Variants in KDM4C observed in about 807,000 individuals in gnomAD.
KDM4C encodes lysine-specific demethylase 4C.
In KDM4C, 81 loss-of-function variants were observed where a neutral mutation model predicts 129.3. That is an observed-to-expected ratio of 0.63 (90% CI 0.52 to 0.75). The LOEUF (loss-of-function observed/expected upper bound fraction) is 0.75. Among genes scored for constraint, KDM4C ranks in the 30% least tolerant of loss-of-function variants. KDM4C has a pLI of 0.00. For missense variants in KDM4C, 1,457 were observed against 1,304.0 expected (o/e 1.12, Z -1.81); for synonymous variants, 573 against 456.1 (o/e 1.26, Z -3.26).
intron 1 of KDM4C, among the ~76,000 whole-genome samples, chr9:6,769,807 ATT>A (rs1821377106): frequency 6.6e-6 from 1 of 152,218 alleles, no homozygotes; most frequent in South Asian, 2.1e-4. Flanking sequence ...ACAAAGAAAA[ATT>A]ATGAATTAGA....
At chr9:7,048,859 G>A (rs999061170) in intron 16 of KDM4C, among the ~76,000 whole-genome samples, 2 of 152,038 alleles carry the variant, frequency 1.3e-5, no homozygotes, top group African/African-American at 4.8e-5. Flanking sequence ...ATAGGATAGA[G>A]TCGTGGGCCT....
At chr9:6,821,640 C>T (rs1047867440) in intron 4 of KDM4C, among the ~76,000 whole-genome samples, 3 of 151,646 alleles carry the variant, frequency 2.0e-5, no homozygotes, top group Admixed American at 6.6e-5. Context: ...CAGGTCTTAG[C>T]CTCTCTTTCA....
At chr9:6,983,261 G>A (rs1817079629) in intron 9 of KDM4C, among the ~76,000 whole-genome samples, 1 of 151,962 alleles carries the variant, frequency 6.6e-6, no homozygotes, top group South Asian at 2.1e-4. Flanking sequence ...AATACATATG[G>A]GTGTGTTTTG....
At chr9:6,988,097 G>A (rs1333489335) in intron 11 of KDM4C, among the ~76,000 whole-genome samples, 5 of 144,212 alleles carry the variant, frequency 3.5e-5, no homozygotes, top group African/African-American at 1.3e-4. Context: ...CAAGGCTGCA[G>A]TGAGCTGTGA....
intron 14 of KDM4C, 86 bp downstream of exon 14, chr9:7,014,087 C>G: frequency 2.9e-6 from 3 of 1,020,342 alleles, no homozygotes; most frequent in Non-Finnish European, 4.4e-6. Flanking sequence ...CCTGTCAGAT[C>G]TGTTGCATGG....
intron 1 of KDM4C, among the ~76,000 whole-genome samples, chr9:6,735,543 T>C (rs1406501377): frequency 2.0e-5 from 3 of 152,118 alleles, no homozygotes; most frequent in Non-Finnish European, 4.4e-5. Context: ...TGAATGAGTC[T>C]CATTAGGTCT....
At chr9:7,077,317 T>A in intron 17 of KDM4C, 4 of 781,270 alleles carry the variant, frequency 5.1e-6, no homozygotes, top group Non-Finnish European at 6.2e-6. Context: ...TTTGGACATA[T>A]AGTTGTCATC....
At chr9:6,987,720 GTTTATC>G (rs1817974887) in intron 11 of KDM4C, among the ~76,000 whole-genome samples, 1 of 152,008 alleles carries the variant, frequency 6.6e-6, no homozygotes. Context: ...ACCCAATAGT[GTTTATC>G]TTTTTATGTA....
At chr9:6,900,947 T>A (rs1246230763) in intron 8 of KDM4C, among the ~76,000 whole-genome samples, 2 of 149,372 alleles carry the variant, frequency 1.3e-5, no homozygotes, top group Admixed American at 1.3e-4. Flanking sequence ...AATTTTAGTG[T>A]AGCACTTTTG....
chr9:7,055,333 G>A (rs981229389), intron 17 of KDM4C, among the ~76,000 whole-genome samples: 5 of 152,220 alleles, frequency 3.3e-5, no homozygotes, highest in African/African-American at 4.8e-5. Context: ...AATAGAGGGA[G>A]AAATGAATTT....
chr9:7,140,749 G>C (rs915700197), intron 19 of KDM4C, among the ~76,000 whole-genome samples: 1 of 152,196 alleles, frequency 6.6e-6, no homozygotes, highest in Non-Finnish European at 1.5e-5. Context: ...AGTAAAATTC[G>C]AATGGTTTTT....
intron 19 of KDM4C, among the ~76,000 whole-genome samples, chr9:7,140,074 C>A (rs1227362493): frequency 6.6e-6 from 1 of 152,192 alleles, no homozygotes; most frequent in Non-Finnish European, 1.5e-5. Flanking sequence ...CTCGTCACTC[C>A]TGAGATCTTA....
At chr9:6,764,766 C>G (rs1463946591) in intron 1 of KDM4C, among the ~76,000 whole-genome samples, 1 of 152,202 alleles carries the variant, frequency 6.6e-6, no homozygotes, top group African/African-American at 2.4e-5. Flanking sequence ...GATGAGTCAT[C>G]AAAGCCTTTG....
intron 1 of KDM4C, among the ~76,000 whole-genome samples, chr9:6,782,936 T>C (rs906626701): frequency 6.6e-6 from 1 of 152,150 alleles, no homozygotes; most frequent in Non-Finnish European, 1.5e-5. Flanking sequence ...GACTAGAGAA[T>C]GGATGTGAAA....
intron 12 of KDM4C, among the ~76,000 whole-genome samples, chr9:7,000,254 A>C (rs1820489313): frequency 6.6e-6 from 1 of 152,148 alleles, no homozygotes; most frequent in South Asian, 2.1e-4. Context: ...AAACCACCTC[A>C]CTTTTATTAT....
intron 8 of KDM4C, chr9:6,924,878 TTG>T (rs977945023): frequency 4.1e-6 from 4 of 984,576 alleles, no homozygotes; most frequent in Admixed American, 1.2e-4. Context: ...CAATGAATAT[TTG>T]GGGTGGTGGA....
At chr9:7,064,433 T>A (rs1587383125) in intron 17 of KDM4C, among the ~76,000 whole-genome samples, 1 of 152,154 alleles carries the variant, frequency 6.6e-6, no homozygotes, top group African/African-American at 2.4e-5. Context: ...GGCAGCAAGG[T>A]CAGTTTCAAT....
chr9:6,806,579 G>T (rs893331834), intron 3 of KDM4C, among the ~76,000 whole-genome samples: 2 of 151,980 alleles, frequency 1.3e-5, no homozygotes, highest in South Asian at 4.2e-4. Context: ...ATTTCTGAAG[G>T]TCAGGAATCT....
chr9:6,727,855 T>G (rs1817187959), intron 1 of KDM4C, among the ~76,000 whole-genome samples: 1 of 150,502 alleles, frequency 6.6e-6, no homozygotes, highest in African/African-American at 2.5e-5. Context: ...ATGAAAAACC[T>G]GAAATCACAT....
Sources: allele counts gnomAD v4.1 joint callset (sites outside exome capture counted in the v4.1 genomes callset), GRCh38; gene constraint gnomAD v4.1.1; transcripts MANE v1.5; gene names NCBI Gene and HGNC (gene_info 2026-07-23, HGNC 2026-07-21).